SCUBE2: variants seen among roughly 807,000 people sequenced by gnomAD.
The protein encoded by SCUBE2 is signal peptide, CUB and EGF-like domain-containing protein 2.
A neutral mutation model predicts 125.9 loss-of-function variants in SCUBE2; 114 were observed. The ratio of observed to expected loss-of-function variants is 0.91; its 90% confidence interval spans 0.78 to 1.06. The LOEUF (loss-of-function observed/expected upper bound fraction) is 1.06. Among genes scored for constraint, SCUBE2 ranks in the 50% least tolerant of loss-of-function variants. The probability of loss-of-function intolerance (pLI) is 0.00; values close to 1 mark genes in which losing one functional copy is unlikely to be tolerated. For synonymous variants in SCUBE2, 459 were observed against 492.9 expected (o/e 0.93, Z 0.91); for missense variants, 1,255 against 1,301.8 (o/e 0.96, Z 0.55).
chr11:9,056,804 C>A (rs531401072), intron 9 of SCUBE2, among the ~76,000 whole-genome samples: 1 of 152,302 alleles, frequency 6.6e-6, no homozygotes, highest in African/African-American at 2.4e-5. Context: ...TAAACCAGGA[C>A]CAGTGCCGCA....
At chr11:9,055,697 A>G (rs1859011428) in intron 10 of SCUBE2, 96 bp downstream of exon 10, 1 of 870,416 alleles carries the variant, frequency 1.1e-6, no homozygotes, top group Non-Finnish European at 1.9e-6. Context: ...TACCTTTCAT[A>G]CCCCAATGTA....
intron 10 of SCUBE2, among the ~76,000 whole-genome samples, chr11:9,054,714 TATATATATA>T (rs1858850305): frequency 7.6e-5 from 6 of 78,858 alleles, no homozygotes; most frequent in East Asian, 3.8e-4. Flanking sequence ...TATATATATA[TATATATATA>T]TATTTTTTTT....
Position 9,053,211 on chromosome 11 carries a change from C to T in SCUBE2, c.1335G>A (p.Val445=), listed in dbSNP as rs535859288. Residue 445 remains valine (V), a synonymous_variant, in exon 12 of 23, where the codon GTG becomes GTA. Coordinates refer to ENST00000649792, the MANE Select transcript of SCUBE2 (RefSeq NM_001367977.2). ...LHWNKKDCVE[V]KGLLPTSVSP... is the part of the protein sequence containing the mutation. ...ACACACTTGTGGGCAGGAGCCCCTT[C>T]ACTTCTAGACAGGACAAAACAGACA... 4 of 1,612,938 alleles carry T rather than the reference C, an allele frequency of 2.5e-6. No homozygotes were observed. The highest frequency in any genetic ancestry group is 2.2e-5 in the East Asian group (1 of 44,878).
rs769916523 is a variant in SCUBE2, at chr11:9,030,753, C to T, written c.2341+5G>A. The T allele has an allele frequency of 1.8e-5, 29 of 1,611,858 alleles. No individual in the cohort carries two copies. Among genetic ancestry groups the T allele is most frequent in the Non-Finnish European group, 2.4e-5 (28 of 1,179,032 alleles). Reference sequence around the variant, plus strand: ...CTAGAAAAAGGCAAGCTGCCAAGTACTCACCTCTGGTTTCACAGTCCTGAA... The same window carrying T: ...CTAGAAAAAGGCAAGCTGCCAAGTATTCACCTCTGGTTTCACAGTCCTGAA... On this transcript the variant is annotated splice_donor_5th_base_variant and intron_variant, in intron 18 of 22. Transcript: ENST00000649792.
intron 2 of SCUBE2, among the ~76,000 whole-genome samples, chr11:9,083,693 T>A (rs1448356353): frequency 6.6e-6 from 1 of 152,054 alleles, no homozygotes; most frequent in Admixed American, 6.5e-5. Flanking sequence ...TAGCTGGGAT[T>A]ACAGGCGTGC....
At chr11:9,059,874 T>C (rs935955728) in intron 8 of SCUBE2, 3 of 159,780 alleles carry the variant, frequency 1.9e-5, no homozygotes, top group Non-Finnish European at 4.1e-5. Flanking sequence ...TGATACTCAA[T>C]CTTATCTTTT....
intron 17 of SCUBE2, among the ~76,000 whole-genome samples, chr11:9,031,672 A>G (rs1306276261): frequency 6.6e-6 from 1 of 152,160 alleles, no homozygotes; most frequent in African/African-American, 2.4e-5. Context: ...CTGTTTTAAC[A>G]ATAATATTTA....
Position 9,021,085 on chromosome 11 carries a change from A to G in SCUBE2, c.3047T>C (p.Leu1016Pro), listed in dbSNP as rs375402593. ...EMFPRSFIRL[L>P]RSKVSRFLRP... is the part of the protein sequence containing the mutation. ...CAAAAACCTGGACACTTTGGAACGT[A>G]GCAATCGGATGAACGATCTTGGAAA... Residue 1016 changes from leucine to proline, a missense_variant, in exon 23 of 23, where the codon CTA becomes CCA. Leu to Pro is a moderately conservative substitution (Grantham distance 98, BLOSUM62 -3). This residue lies in a region of SCUBE2 where 515 missense variants were observed against 515.7 expected (regional missense o/e 1.00). Transcript: ENST00000649792. 1.2e-6 allele frequency: 2 copies of G among 1,613,842 alleles called. No individual in the cohort carries two copies. The highest frequency in any genetic ancestry group is 1.7e-6 in the Non-Finnish European group (2 of 1,179,896).
chr11:9,055,800 G>A lies in SCUBE2; in HGVS notation c.1200C>T (p.His400=), dbSNP rs758787585. 8 of 1,613,698 alleles carry A rather than the reference G, an allele frequency of 5.0e-6. No individual in the cohort carries two copies. The highest frequency in any genetic ancestry group is 6.8e-6 in the Non-Finnish European group (8 of 1,179,638). ...CAGGGGCAGTCTGCTCACCTCCACA[G>A]TGGGTGAAGCCATACAGGGTGTACC... is the stretch of plus-strand genomic sequence containing the variant. ...NRGYTLYGFT[H]CGDTNECSIN... Residue 400 remains histidine (H), a synonymous_variant, in exon 10 of 23, where the codon CAC becomes CAT. Coordinates refer to ENST00000649792, the MANE Select transcript of SCUBE2 (RefSeq NM_001367977.2).
In SCUBE2 at chr11:9,029,904, G is replaced by T. The variant is rs781659393; in HGVS notation, c.2483C>A (p.Thr828Lys). Residue 828 changes from threonine to lysine, a missense_variant, in exon 19 of 23, where the codon ACA becomes AAA. This residue lies in a region of SCUBE2 where 515 missense variants were observed against 515.7 expected (regional missense o/e 1.00). Coordinates refer to ENST00000649792, the MANE Select transcript of SCUBE2 (RefSeq NM_001367977.2). ...CCTACTTTTACACTGGGTTATGTTT[G>T]TGGAGCCATCAAAGTCAGTCGTAGT... ...GNTTTDFDGSTNITQCKNRRC... is the reference protein window; with the variant it reads ...GNTTTDFDGSKNITQCKNRRC... The T allele has an allele frequency of 1.2e-6, 2 of 1,614,180 alleles. No homozygotes were observed. The highest frequency in any genetic ancestry group is 2.2e-5 in the East Asian group (1 of 44,884).
In SCUBE2 at chr11:9,091,373, C is replaced by A; in HGVS notation, c.133+23G>T. ...CTGGCCCTGCCTGCTGTGCCAGGTG[C>A]GCCCCCGCGGCCGGACACTCACCCT... On this transcript the variant is annotated intron_variant, in intron 1 of 22. Coordinates refer to ENST00000649792, the MANE Select transcript of SCUBE2 (RefSeq NM_001367977.2). The surrounding 1 kb of genome is among the most constrained non-coding windows in gnomAD (Gnocchi z 8.5). 1.5e-6 allele frequency: 2 copies of A among 1,298,130 alleles called. No individual in the cohort carries two copies. The highest frequency in any genetic ancestry group is 9.7e-7 in the Non-Finnish European group (1 of 1,027,648). The allele number at this position is 1,298,130 out of a possible 1,614,324, so 80.4% of individuals were successfully genotyped here.
rs972626468 is a variant in SCUBE2 at position 9,091,590 on chromosome 11, G to A, written c.-62C>T. 3 of 323,524 alleles carry A rather than the reference G, an allele frequency of 9.3e-6. No homozygotes were observed. Among genetic ancestry groups the A allele is most frequent in the Non-Finnish European group, 1.5e-5 (3 of 195,018 alleles). The allele number at this position is 323,524 out of a possible 1,614,324, so 20.0% of individuals were successfully genotyped here. A position where few individuals can be genotyped will look rare whatever the true frequency, so the allele number is the denominator to read the frequency against. ...GCGGGCGGTGGCGGCGGCGGCGCGGGGAGGTGTGCGCGGACGCCCTGCCCG... is the reference window on the plus strand; with the variant it reads ...GCGGGCGGTGGCGGCGGCGGCGCGGAGAGGTGTGCGCGGACGCCCTGCCCG... On this transcript the variant is annotated 5_prime_UTR_variant, in exon 1 of 23. Transcript: ENST00000649792. The surrounding 1 kb of genome is among the most constrained non-coding windows in gnomAD (Gnocchi z 8.5).
In SCUBE2 at chr11:9,025,686, T is replaced by C; in HGVS notation, c.2854+16A>G. 1 of 1,613,756 alleles carries C rather than the reference T, an allele frequency of 6.2e-7. No individual in the cohort carries two copies. The highest frequency in any genetic ancestry group is 8.5e-7 in the Non-Finnish European group (1 of 1,179,810). On this transcript the variant is annotated intron_variant, in intron 21 of 22. Coordinates refer to ENST00000649792, the MANE Select transcript of SCUBE2 (RefSeq NM_001367977.2). ...AAGCAGAGACGCTCTTTCCATGTGCTGCAGGCTGTGCTTACCATCATATGT... is the reference window on the plus strand; with the variant it reads ...AAGCAGAGACGCTCTTTCCATGTGCCGCAGGCTGTGCTTACCATCATATGT...
chr11:9,026,042 C>T (rs1289889859), intron 20 of SCUBE2, 188 bp from the exon 21 acceptor site: 2 of 583,832 alleles, frequency 3.4e-6, no homozygotes, highest in African/African-American at 1.9e-5. Flanking sequence ...ATTGTGGACC[C>T]CCAGGGGAGG....
Position 9,029,985 on chromosome 11 carries a change from A to T in SCUBE2, c.2402T>A (p.Val801Glu). ...TCCAAATTCAGGCTGGTATGTTCCC[A>T]CTGGGCAACGAATACATCGGTGAGT... ...TTTHRCIRCP[V>E]GTYQPEFGKN... The change falls in exon 19 of 23, where the codon GTG (valine) becomes GAG (glutamate). Residue 801 changes from valine to glutamate, a missense_variant. By Grantham distance (121) the Val-to-Glu change is moderately radical (BLOSUM62 -2). Around this residue, in one of 3 missense-constraint regions of SCUBE2, gnomAD observed 515 missense variants for 515.7 expected, o/e 1.00. Transcript: ENST00000649792. The T allele has an allele frequency of 6.2e-7, 1 of 1,614,254 alleles. No homozygotes were observed. Among genetic ancestry groups the T allele is most frequent in the Non-Finnish European group, 8.5e-7 (1 of 1,180,044 alleles).
chr11:9,025,697 C>T lies in SCUBE2; in HGVS notation c.2854+5G>A. On this transcript the variant is annotated splice_donor_5th_base_variant and intron_variant, in intron 21 of 22. Coordinates refer to ENST00000649792, the MANE Select transcript of SCUBE2 (RefSeq NM_001367977.2). ...CTCTTTCCATGTGCTGCAGGCTGTG[C>T]TTACCATCATATGTCACGTATGGGA... 6.2e-7 allele frequency: 1 copy of T among 1,614,002 alleles called. No homozygotes were observed. Among genetic ancestry groups the T allele is most frequent in the Non-Finnish European group, 8.5e-7 (1 of 1,179,926 alleles).
intron 12 of SCUBE2, 132 bp downstream of exon 12, chr11:9,052,967 G>T: frequency 2.9e-6 from 3 of 1,029,960 alleles, no homozygotes; most frequent in Non-Finnish European, 4.3e-6. Context: ...TCGAAGCATG[G>T]ACCTCTCAAA....
At chr11:9,089,681 C>T (rs1408838725) in intron 2 of SCUBE2, 26 bp downstream of exon 2, 9 of 1,611,134 alleles carry the variant, frequency 5.6e-6, no homozygotes, top group Middle Eastern at 1.7e-4. Flanking sequence ...CCTACAGTCC[C>T]CCCACATGGT....
intron 1 of SCUBE2, chr11:9,090,489 A>ATTTATTTT (rs377724235): frequency 2.8e-5 from 4 of 141,974 alleles, no homozygotes; most frequent in East Asian, 4.8e-4. Context: ...TTATTTATTT[A>ATTTATTTT]TTTTTTTTTT....
Sources: gnomAD v4.1 joint callset for allele counts (sites outside exome capture counted in the v4.1 genomes callset) on GRCh38, gnomAD v4.1.1 for gene constraint, gnomAD v4.1.1 regional missense constraint, Gnocchi (gnomAD v3.1) non-coding constraint, MANE v1.5 for transcripts, NCBI Gene and HGNC (gene_info 2026-07-23, HGNC 2026-07-21) for gene names.